CSMD1: variants seen among roughly 807,000 people sequenced by gnomAD.
The protein encoded by CSMD1 is CUB and sushi domain-containing protein 1.
Under a neutral mutation model 417.5 loss-of-function variants are expected in CSMD1, and 213 were observed. That is an observed-to-expected ratio of 0.51 (90% CI 0.46 to 0.57). CSMD1 has a LOEUF of 0.57. Ranked by LOEUF, CSMD1 falls within the 20% of genes least tolerant of loss-of-function variation. The probability of loss-of-function intolerance (pLI) is 0.00; values close to 1 mark genes in which losing one functional copy is unlikely to be tolerated. For missense variants in CSMD1, 6,923 were observed against 4,529.7 expected (o/e 1.53, Z -15.17); for synonymous variants, 2,862 against 1,736.8 (o/e 1.65, Z -16.11).
intron 62 of CSMD1, among the ~76,000 whole-genome samples, chr8:2,958,545 G>A (rs1231186690): frequency 6.6e-6 from 1 of 152,164 alleles, no homozygotes; most frequent in East Asian, 1.9e-4. Context: ...ATCTGTAAAT[G>A]TCTTTTTTAG....
At chr8:3,355,982 T>C (rs1044055024) in intron 21 of CSMD1, among the ~76,000 whole-genome samples, 1 of 152,184 alleles carries the variant, frequency 6.6e-6, no homozygotes, top group Admixed American at 6.5e-5. Context: ...AAAAAAACCC[T>C]AAAATGAATA....
chr8:4,714,540 G>C (rs1006240167), intron 1 of CSMD1, among the ~76,000 whole-genome samples: 20 of 152,232 alleles, frequency 1.3e-4, no homozygotes, highest in African/African-American at 3.4e-4. Flanking sequence ...AACAGATAGA[G>C]AAGGCCCAAA....
chr8:4,317,174 C>T (rs1041831881), intron 3 of CSMD1, among the ~76,000 whole-genome samples: 1 of 152,130 alleles, frequency 6.6e-6, no homozygotes, highest in African/African-American at 2.4e-5. Context: ...TAAAGTTTTA[C>T]AGTTTATAAA....
Position 3,663,538 on chromosome 8 carries a change from C to A in CSMD1, c.1009+44876G>T, listed in dbSNP as rs1010502630. Among the ~76,000 whole-genome samples the A allele has an allele frequency of 5.9e-5, 9 of 152,254 alleles. No homozygotes were observed. In the South Asian group the frequency reaches 6.2e-4, roughly 11 times the overall value. ...CTACAGGGAAAAGTCAAGCTGGAAACTGCTTACGGCCAACCTGCCTCCAAC... is the reference window on the plus strand; with the variant it reads ...CTACAGGGAAAAGTCAAGCTGGAAAATGCTTACGGCCAACCTGCCTCCAAC... On this transcript the variant is annotated intron_variant, in intron 7 of 69. Transcript: ENST00000635120.
chr8:4,590,642 C>A (rs1336318004), intron 2 of CSMD1, among the ~76,000 whole-genome samples: 1 of 151,992 alleles, frequency 6.6e-6, no homozygotes, highest in Non-Finnish European at 1.5e-5. Flanking sequence ...AAGTTGTTGA[C>A]TTTTACAACA....
intron 7 of CSMD1, among the ~76,000 whole-genome samples, chr8:3,689,168 G>A (rs1800103130): frequency 6.6e-6 from 1 of 152,126 alleles, no homozygotes; most frequent in Non-Finnish European, 1.5e-5. Flanking sequence ...CTAAGGTTGG[G>A]AACATGTCAT....
At chr8:4,297,584 G>A (rs529311211) in intron 3 of CSMD1, among the ~76,000 whole-genome samples, 31 of 152,238 alleles carry the variant, frequency 2.0e-4, no homozygotes, top group African/African-American at 7.2e-4. Flanking sequence ...AATTTTAGAT[G>A]TTTAAAATTC....
chr8:4,027,718 C>T (rs897095495), intron 4 of CSMD1, among the ~76,000 whole-genome samples: 1 of 151,972 alleles, frequency 6.6e-6, no homozygotes, highest in African/African-American at 2.4e-5. Flanking sequence ...CATGGGGGCC[C>T]ATTGAACAAA....
At chr8:3,957,074 G>T (rs944957397) in intron 5 of CSMD1, among the ~76,000 whole-genome samples, 3 of 152,074 alleles carry the variant, frequency 2.0e-5, no homozygotes, top group African/African-American at 4.8e-5. Context: ...AAACGCCGGG[G>T]GAGGCTCTGT....
At position 3,187,954 on chromosome 8, in the gene CSMD1, G is replaced by A. The variant is rs754936594; in HGVS notation, c.5535C>T (p.Ile1845=). ...CCCAGTTCTGCTCCGTGGCAAAACT[G>A]ATCACTTGGATCTACCAAACCATGA... ...TEGSGIQIQV[I]SFATEQNWDS... The change falls in exon 36 of 70, where the codon ATC becomes ATT. Residue 1845 remains isoleucine, a synonymous_variant. Coordinates refer to ENST00000635120, the MANE Select transcript of CSMD1 (RefSeq NM_033225.6). The A allele has an allele frequency of 1.2e-6, 2 of 1,612,376 alleles. No individual in the cohort carries two copies. The highest frequency in any genetic ancestry group is 4.5e-5 in the East Asian group (2 of 44,824).
At chr8:4,147,222 G>A (rs964193751) in intron 3 of CSMD1, among the ~76,000 whole-genome samples, 2 of 151,960 alleles carry the variant, frequency 1.3e-5, no homozygotes, top group African/African-American at 4.8e-5. Flanking sequence ...AAGAAAGCAC[G>A]CATGATTTGA....
chr8:3,566,747 G>A (rs1224151030), intron 10 of CSMD1, among the ~76,000 whole-genome samples: 3 of 152,084 alleles, frequency 2.0e-5, no homozygotes, highest in Non-Finnish European at 4.4e-5. Context: ...CACACCAGTT[G>A]GAATGGCTAT....
At chr8:4,644,974 G>C (rs1346455757) in intron 1 of CSMD1, among the ~76,000 whole-genome samples, 1 of 152,204 alleles carries the variant, frequency 6.6e-6, no homozygotes, top group African/African-American at 2.4e-5. Context: ...TAGGGAAGCA[G>C]GGAAAGCAGT....
chr8:3,693,596 A>C (rs2129033770), intron 7 of CSMD1, among the ~76,000 whole-genome samples: 1 of 152,292 alleles, frequency 6.6e-6, no homozygotes, highest in South Asian at 2.1e-4. Context: ...TAAAATCCCC[A>C]CCCTTATTCC....
chr8:3,635,213 C>T (rs904573380), intron 7 of CSMD1, among the ~76,000 whole-genome samples: 4 of 152,048 alleles, frequency 2.6e-5, no homozygotes, highest in Admixed American at 6.5e-5. Context: ...CAGTGGCTCA[C>T]GCCTGTAATC....
In CSMD1 at chr8:3,219,428, G is replaced by T; in HGVS notation, c.4499C>A (p.Pro1500His). The change falls in exon 29 of 70, where the codon CCC becomes CAC. Residue 1500 changes from proline (P) to histidine (H), a missense_variant. Coordinates refer to ENST00000635120, the MANE Select transcript of CSMD1 (RefSeq NM_033225.6). ...ATAGATGTGTAGGAAGTCATAGCTGGGCTCCATGTTGAAACTAAAGAAAAG... is the reference window on the plus strand; with the variant it reads ...ATAGATGTGTAGGAAGTCATAGCTGTGCTCCATGTTGAAACTAAAGAAAAG... ...ALIFKSFNME[P>H]SYDFLHIYEG... 6.7e-7 allele frequency: 1 copy of T among 1,499,820 alleles called. No individual in the cohort carries two copies. Among genetic ancestry groups the T allele is most frequent in the South Asian group, 1.3e-5 (1 of 76,558 alleles). The allele number at this position is 1,499,820 out of a possible 1,614,324, so 92.9% of individuals were successfully genotyped here.
At chr8:3,455,679 T>C (rs1042603772) in intron 12 of CSMD1, among the ~76,000 whole-genome samples, 2 of 152,194 alleles carry the variant, frequency 1.3e-5, no homozygotes, top group African/African-American at 2.4e-5. Context: ...GGAAATTTTG[T>C]CTCAGAGGAG....
At chr8:3,575,184 A>T in intron 9 of CSMD1, 118 bp from the exon 10 acceptor site, 1 of 1,101,160 alleles carries the variant, frequency 9.1e-7, no homozygotes, top group Non-Finnish European at 1.3e-6. Flanking sequence ...AAAAAAAAAA[A>T]AAATGGTGCA....
intron 10 of CSMD1, among the ~76,000 whole-genome samples, chr8:3,494,035 G>C (rs1220844102): frequency 6.6e-6 from 1 of 152,132 alleles, no homozygotes; most frequent in East Asian, 1.9e-4. Context: ...CATTCTCAGT[G>C]CTTAACTAAA....
Sources: allele counts gnomAD v4.1 joint callset (sites outside exome capture counted in the v4.1 genomes callset), GRCh38; gene constraint gnomAD v4.1.1; transcripts MANE v1.5; gene names NCBI Gene and HGNC (gene_info 2026-07-23, HGNC 2026-07-21).